ASAP2: variants seen among roughly 807,000 people sequenced by gnomAD.
ASAP2 encodes the protein ArfGAP with SH3 domain, ankyrin repeat and PH domain 2.
In ASAP2, 45 loss-of-function variants were observed where a neutral mutation model predicts 131.4. That is an observed-to-expected ratio of 0.34 (90% confidence interval 0.27 to 0.44). The LOEUF is 0.44. Among genes scored for constraint, ASAP2 ranks in the 20% least tolerant of loss-of-function variants. The pLI is 1.00. For missense variants in ASAP2, 1,011 were observed against 1,297.0 expected, an observed-to-expected ratio of 0.78 and a Z score of 3.39; for synonymous variants, 510 against 503.0, an observed-to-expected ratio of 1.01 and a Z score of -0.19.
intron 12 of ASAP2, among the ~76,000 whole-genome samples, chr2:9,351,661 G>C (rs922435970): frequency 2.0e-5 from 3 of 152,190 alleles, no homozygotes; most frequent in African/African-American, 7.2e-5. Flanking sequence ...GCTGTTCTCT[G>C]TGCCTCAGTA....
rs183116403 is a variant in ASAP2, at chr2:9,404,553, T to C, written c.*1226T>C. ...GCGAGGGTAAGATTCATAGTAGGAA[T>C]ATTGGAAATTTTGGCACTCTGAGAA... On this transcript the variant is annotated 3_prime_UTR_variant, in exon 28 of 28. Transcript: ENST00000281419. 5.9e-5 allele frequency: 9 copies of C among 152,552 alleles called. No homozygotes were observed. The highest frequency in any genetic ancestry group is 2.2e-4 in the African/African-American group (9 of 41,576). The allele number at this position is 152,552 out of a possible 1,614,324, so 9.4% of individuals were successfully genotyped here.
chr2:9,305,634 G>T (rs866744855), intron 3 of ASAP2, among the ~76,000 whole-genome samples: 4 of 112,192 alleles, frequency 3.6e-5, no homozygotes, highest in Admixed American at 9.7e-5. Context: ...GGACAGGCTG[G>T]AGTAGTGGGG....
At chr2:9,227,271 A>G (rs1376423755) in intron 1 of ASAP2, among the ~76,000 whole-genome samples, 1 of 152,142 alleles carries the variant, frequency 6.6e-6, no homozygotes. Context: ...TGCTCTGTGA[A>G]GTGGGGGACT....
intron 2 of ASAP2, 99 bp from the exon 3 acceptor site, chr2:9,297,201 C>G: frequency 7.0e-7 from 1 of 1,422,166 alleles, no homozygotes; most frequent in Non-Finnish European, 9.6e-7. Flanking sequence ...GATTTTTCTT[C>G]TGCTGATGTG....
intron 2 of ASAP2, among the ~76,000 whole-genome samples, chr2:9,293,644 T>C (rs1357052771): frequency 6.6e-6 from 1 of 152,118 alleles, no homozygotes. Flanking sequence ...TCTGCAGCAG[T>C]GGGTCAGTCA....
intron 2 of ASAP2, among the ~76,000 whole-genome samples, chr2:9,284,037 AG>A: frequency 6.6e-6 from 1 of 152,216 alleles, no homozygotes; most frequent in East Asian, 1.9e-4. Context: ...TCTACATATA[AG>A]GACCCTTGTG....
At chr2:9,384,690 G>T (rs1226326088) in intron 20 of ASAP2, among the ~76,000 whole-genome samples, 1 of 152,238 alleles carries the variant, frequency 6.6e-6, no homozygotes, top group East Asian at 1.9e-4. Flanking sequence ...GGCAAGGTGT[G>T]GGGGAGGGGA....
chr2:9,326,410 AT>A (rs769656215), intron 6 of ASAP2, among the ~76,000 whole-genome samples: 4 of 152,208 alleles, frequency 2.6e-5, no homozygotes, highest in Non-Finnish European at 5.9e-5. Flanking sequence ...TTCAAAATTC[AT>A]TTAATAAAGA....
chr2:9,351,265 TA>T (rs1366521093), intron 12 of ASAP2, among the ~76,000 whole-genome samples: 2 of 152,224 alleles, frequency 1.3e-5, no homozygotes, highest in Non-Finnish European at 2.9e-5. Flanking sequence ...AGAACTTACA[TA>T]ATTTGGGTGA....
Position 9,268,329 on chromosome 2 carries a change from T to C in ASAP2, c.127-10988T>C, listed in dbSNP as rs969714989. On this transcript the variant is annotated intron_variant, in intron 1 of 27. Coordinates refer to ENST00000281419, the MANE Select transcript of ASAP2 (RefSeq NM_003887.3). This position sits in a 1 kb window ranked among gnomAD's most constrained non-coding sequence, Gnocchi z 4.1. ...TTCTGTTGTGGATGTATATTTACTC[T>C]GAGTAATTTTAATTTTTTAAGATAA... 2.6e-5 allele frequency among the ~76,000 whole-genome samples: 4 copies of C among 152,214 alleles called. No individual in the cohort carries two copies. The highest frequency in any genetic ancestry group is 9.7e-5 in the African/African-American group (4 of 41,448).
chr2:9,313,244 G>A (rs1669430230), intron 3 of ASAP2, among the ~76,000 whole-genome samples: 1 of 152,182 alleles, frequency 6.6e-6, no homozygotes, highest in South Asian at 2.1e-4. Context: ...TGTTTTTGCT[G>A]TAGGTCCCAA....
intron 2 of ASAP2, among the ~76,000 whole-genome samples, chr2:9,292,980 C>T (rs1558303072): frequency 6.6e-6 from 1 of 152,210 alleles, no homozygotes; most frequent in East Asian, 1.9e-4. Context: ...TGTCAAGAGC[C>T]GTATCTACAT....
chr2:9,244,432 T>C (rs984179147), intron 1 of ASAP2, among the ~76,000 whole-genome samples: 1 of 152,228 alleles, frequency 6.6e-6, no homozygotes, highest in African/African-American at 2.4e-5. Flanking sequence ...CTAAGCAAAG[T>C]GGATTCTGTA....
chr2:9,216,754 C>A (rs1662078750), intron 1 of ASAP2, among the ~76,000 whole-genome samples: 1 of 151,978 alleles, frequency 6.6e-6, no homozygotes, highest in African/African-American at 2.4e-5. Flanking sequence ...AGCCACCATG[C>A]CCGGTCCCTG....
At chr2:9,276,480 G>C (rs1558288841) in intron 1 of ASAP2, among the ~76,000 whole-genome samples, 1 of 152,108 alleles carries the variant, frequency 6.6e-6, no homozygotes, top group Non-Finnish European at 1.5e-5. Flanking sequence ...ACACCAGGAA[G>C]CCTTATAGTG....
At chr2:9,343,185 C>CT (rs1671706920) in intron 9 of ASAP2, among the ~76,000 whole-genome samples, 1 of 152,170 alleles carries the variant, frequency 6.6e-6, no homozygotes, top group African/African-American at 2.4e-5. Context: ...ACTCTCTGCT[C>CT]TTGCTTTAAG....
chr2:9,269,101 C>T (rs143783702), intron 1 of ASAP2, among the ~76,000 whole-genome samples: 224 of 151,938 alleles, frequency 1.5e-3, no homozygotes, highest in African/African-American at 5.1e-3. Flanking sequence ...TTAGGTTTGG[C>T]GGGCCTCAAG....
chr2:9,400,825 C>A lies in ASAP2; in HGVS notation c.2818C>A (p.Gln940Lys), dbSNP rs371545473. The stretch of plus-strand genomic sequence containing the variant: ...CCCTGCACCCATGCCTAGGAAGTCG[C>A]AGGCAGTAAGTGACGAGCCCCCTTT... ...QPPAPMPRKS[Q>K]ATKLKPKRVK... The change falls in exon 26 of 28, where the codon CAG becomes AAG. Residue 940 changes from glutamine to lysine, a missense_variant. Transcript: ENST00000281419. 4.3e-6 allele frequency: 7 copies of A among 1,613,192 alleles called. No individual in the cohort carries two copies. Among genetic ancestry groups the A allele is most frequent in the African/African-American group, 2.7e-5 (2 of 74,902 alleles).
intron 1 of ASAP2, among the ~76,000 whole-genome samples, chr2:9,212,037 C>G (rs1661596062): frequency 6.6e-6 from 1 of 152,166 alleles, no homozygotes; most frequent in Non-Finnish European, 1.5e-5. Flanking sequence ...GAGCCTTCCT[C>G]CCTGCCCCCT....
Sources: allele counts gnomAD v4.1 joint callset (sites outside exome capture counted in the v4.1 genomes callset), GRCh38; gene constraint gnomAD v4.1.1; non-coding constraint Gnocchi (gnomAD v3.1); transcripts MANE v1.5; gene names NCBI Gene and HGNC (gene_info 2026-07-23, HGNC 2026-07-21).